The following DCLK1 variants were observed in gnomAD, a reference collection of about 807,000 sequenced individuals.
DCLK1 encodes serine/threonine-protein kinase DCLK1.
A neutral mutation model predicts 86.2 loss-of-function variants in DCLK1; 16 were observed. That is an observed-to-expected ratio of 0.19 (90% CI 0.13 to 0.28). The LOEUF (loss-of-function observed/expected upper bound fraction) is 0.28, where lower values mean the gene tolerates loss of function less well. Among genes scored for constraint, DCLK1 ranks in the 10% least tolerant of loss-of-function variants. The probability of loss-of-function intolerance (pLI) is 1.00; values close to 1 mark genes in which losing one functional copy is unlikely to be tolerated. For synonymous variants in DCLK1, 369 were observed against 370.5 expected, an observed-to-expected ratio of 1.00 and a Z score of 0.05; for missense variants, 590 against 940.2, an observed-to-expected ratio of 0.63 and a Z score of 4.87.
In DCLK1 at chr13:35,848,229, G is replaced by T. The variant is rs1870354949; in HGVS notation, c.1035+6270C>A. On this transcript the variant is annotated intron_variant, in intron 6 of 16. Transcript: ENST00000360631. Reference sequence around the variant, plus strand: ...TTCATTGCCGAATTTTTTTTATAAAGAATTCTATAAGTAACTCAATCATAA... The same window carrying T: ...TTCATTGCCGAATTTTTTTTATAAATAATTCTATAAGTAACTCAATCATAA... 1.9e-5 allele frequency: 19 copies of T among 985,072 alleles called. No homozygotes were observed. In the South Asian group the frequency reaches 7.5e-4, roughly 39 times the overall value. 61.0% of individuals were successfully genotyped at this position (985,072 alleles called of 1,614,324 possible). A position where few individuals can be genotyped will look rare whatever the true frequency, so the allele number is the denominator to read the frequency against.
chr13:35,982,711 C>T (rs902605883), intron 3 of DCLK1, among the ~76,000 whole-genome samples: 10 of 152,088 alleles, frequency 6.6e-5, no homozygotes, highest in East Asian at 1.9e-4. Context: ...TGTTGCGGAA[C>T]GTTACAAATG....
chr13:35,846,638 G>A, intron 6 of DCLK1: 1 of 985,252 alleles, frequency 1.0e-6, no homozygotes, highest in Non-Finnish European at 1.2e-6. Context: ...CGCTATATCA[G>A]GCAATTGGTA....
intron 3 of DCLK1, among the ~76,000 whole-genome samples, chr13:36,004,781 T>C (rs1189410717): frequency 6.6e-6 from 1 of 152,178 alleles, no homozygotes; most frequent in African/African-American, 2.4e-5. Context: ...TTTTGCCATG[T>C]TGTCCAGGCT....
intron 4 of DCLK1, among the ~76,000 whole-genome samples, chr13:35,872,461 C>T (rs146848983): frequency 1.7e-3 from 259 of 152,282 alleles, no homozygotes; most frequent in African/African-American, 5.9e-3. Flanking sequence ...TTTACTTAAC[C>T]GAATTCCAAC....
chr13:36,047,813 G>C (rs539910822), intron 3 of DCLK1, among the ~76,000 whole-genome samples: 14 of 152,260 alleles, frequency 9.2e-5, no homozygotes, highest in African/African-American at 3.1e-4. Flanking sequence ...CCTGAGGGCT[G>C]GGTGTGGTGG....
At chr13:35,884,917 C>A (rs904354693) in intron 4 of DCLK1, among the ~76,000 whole-genome samples, 1 of 152,282 alleles carries the variant, frequency 6.6e-6, no homozygotes, top group Non-Finnish European at 1.5e-5. Context: ...AAGCCACAGC[C>A]TCTGTGCTGC....
chr13:36,075,738 C>T (rs1160141365), intron 3 of DCLK1, among the ~76,000 whole-genome samples: 1 of 152,148 alleles, frequency 6.6e-6, no homozygotes, highest in African/African-American at 2.4e-5. Flanking sequence ...TAGTGTTGAC[C>T]GGGCATGGTG....
chr13:35,997,021 T>G (rs1200860178), intron 3 of DCLK1, among the ~76,000 whole-genome samples: 1 of 151,294 alleles, frequency 6.6e-6, no homozygotes, highest in Non-Finnish European at 1.5e-5. Flanking sequence ...GCAGGAACAG[T>G]CTCCTCCTGC....
At chr13:36,004,573 T>TG (rs1880862981) in intron 3 of DCLK1, among the ~76,000 whole-genome samples, 2 of 152,054 alleles carry the variant, frequency 1.3e-5, no homozygotes, top group Non-Finnish European at 2.9e-5. Context: ...TCACAAGTTT[T>TG]TTGTTGTTGT....
At chr13:35,905,179 T>C (rs1045003916) in intron 4 of DCLK1, among the ~76,000 whole-genome samples, 1 of 152,184 alleles carries the variant, frequency 6.6e-6, no homozygotes, top group East Asian at 1.9e-4. Context: ...TGGCCTTATG[T>C]TGCCTTGTGG....
intron 3 of DCLK1, among the ~76,000 whole-genome samples, chr13:36,023,649 G>C (rs911094212): frequency 1.3e-5 from 2 of 151,852 alleles, no homozygotes; most frequent in Non-Finnish European, 2.9e-5. Flanking sequence ...ATACCACATT[G>C]ATAAAAAAGG....
At chr13:36,004,622 C>T (rs896671575) in intron 3 of DCLK1, among the ~76,000 whole-genome samples, 4 of 152,152 alleles carry the variant, frequency 2.6e-5, no homozygotes, top group African/African-American at 7.2e-5. Context: ...GATACAGTCT[C>T]GCTCTGTTGC....
chr13:35,938,628 CA>C (rs918388892), intron 4 of DCLK1, among the ~76,000 whole-genome samples: 130 of 136,834 alleles, frequency 9.5e-4, no homozygotes, highest in South Asian at 9.4e-4. Context: ...GACTCTGTCT[CA>C]AAAAAAAAAA....
rs1172506857 is a variant in DCLK1, at chr13:35,867,869, AAGAGAGAGGGAGAGAGAGAG to A, written c.940+3335_940+3354del. On this transcript the variant is annotated intron_variant, in intron 5 of 16. Coordinates refer to ENST00000360631, the MANE Select transcript of DCLK1 (RefSeq NM_001330071.2). ...GGGAGAAGAAAGAAAGAAAGAAAGAAAGAGAGAGGGAGAGAGAGAGAGAAAGAGAGAAAGAAAGAAAAAGA... is the reference window on the plus strand; with the variant it reads ...GGGAGAAGAAAGAAAGAAAGAAAGAAAGAAAGAGAGAAAGAAAGAAAAAGA... Among the ~76,000 whole-genome samples, 39 of 126,804 alleles carry A rather than the reference AAGAGAGAGGGAGAGAGAGAG, an allele frequency of 3.1e-4. 1 individual carries two copies. The highest frequency in any genetic ancestry group is 5.1e-4 in the South Asian group (2 of 3,916). The allele number at this position is 126,804 out of a possible 152,430, so 83.2% of individuals were successfully genotyped here.
chr13:35,855,708 C>T (rs1012953738), intron 5 of DCLK1: 9 of 1,384,206 alleles, frequency 6.5e-6, no homozygotes, highest in African/African-American at 2.9e-5. Context: ...GTAAAGCTGA[C>T]GTCTCCCAAG....
chr13:35,949,050 T>C (rs1265970395), intron 3 of DCLK1, among the ~76,000 whole-genome samples: 1 of 152,154 alleles, frequency 6.6e-6, no homozygotes, highest in Non-Finnish European at 1.5e-5. Flanking sequence ...TTACAGAAAG[T>C]ATTTACTGAA....
chr13:35,806,301 G>T (rs1048648156), intron 14 of DCLK1, among the ~76,000 whole-genome samples: 7 of 152,164 alleles, frequency 4.6e-5, no homozygotes, highest in Non-Finnish European at 1.0e-4. Flanking sequence ...AGATAGAATT[G>T]ATCCTTTAGT....
At chr13:35,785,426 A>G (rs1593586382) in intron 16 of DCLK1, among the ~76,000 whole-genome samples, 1 of 142,740 alleles carries the variant, frequency 7.0e-6, no homozygotes, top group Admixed American at 7.0e-5. Flanking sequence ...CAGTGAGCTC[A>G]CACCTGGGGC....
intron 3 of DCLK1, among the ~76,000 whole-genome samples, chr13:36,077,144 G>C (rs1566671681): frequency 6.6e-6 from 1 of 152,162 alleles, no homozygotes; most frequent in Non-Finnish European, 1.5e-5. Context: ...TAATCACTCT[G>C]TTCTGTCCCA....
Sources: allele counts gnomAD v4.1 joint callset (sites outside exome capture counted in the v4.1 genomes callset), GRCh38; gene constraint gnomAD v4.1.1; transcripts MANE v1.5; gene names NCBI Gene and HGNC (gene_info 2026-07-23, HGNC 2026-07-21).